The following ENPP1 variants were observed in gnomAD, a reference collection of about 807,000 sequenced individuals.
The protein encoded by ENPP1 is ectonucleotide pyrophosphatase/phosphodiesterase family member 1.
A neutral mutation model predicts 122.8 loss-of-function variants in ENPP1; 73 were observed. The ratio of observed to expected loss-of-function variants is 0.59; its 90% CI spans 0.49 to 0.72. The LOEUF is 0.72. Ranked by LOEUF, ENPP1 falls within the 30% of genes least tolerant of loss-of-function variation. ENPP1 has a pLI of 0.00. For synonymous variants in ENPP1, 367 were observed against 391.6 expected (o/e 0.94, Z 0.74); for missense variants, 978 against 1,128.1 (o/e 0.87, Z 1.91).
At position 131,822,706 on chromosome 6, in the gene ENPP1, G is replaced by A. The variant is rs147984530; in HGVS notation, c.240+14431G>A. 3.7e-3 allele frequency among the ~76,000 whole-genome samples: 565 copies of A among 152,126 alleles called. 1 individual carries two copies. Among genetic ancestry groups the A allele is most frequent in the Non-Finnish European group, 6.9e-3 (466 of 68,002 alleles). On this transcript the variant is annotated intron_variant, in intron 1 of 24. Coordinates refer to ENST00000647893, the MANE Select transcript of ENPP1 (RefSeq NM_006208.3). ...TTTCTAATGTACTTTTCATAAGTAG[G>A]ATTTTGAGACTTTTATTTTAGTATC...
At chr6:131,874,977 C>T (rs1206412888) in intron 16 of ENPP1, among the ~76,000 whole-genome samples, 2 of 152,114 alleles carry the variant, frequency 1.3e-5, no homozygotes, top group African/African-American at 2.4e-5. Context: ...CTAAAAATCA[C>T]ATGTTCACTT....
chr6:131,825,951 T>C, intron 1 of ENPP1: 1 of 502,886 alleles, frequency 2.0e-6, no homozygotes, highest in South Asian at 3.2e-5. Context: ...CTTTCAAAAA[T>C]GATTTTGAAA....
intron 23 of ENPP1, among the ~76,000 whole-genome samples, chr6:131,885,509 A>C (rs1030805747): frequency 4.6e-5 from 7 of 152,196 alleles, no homozygotes; most frequent in Non-Finnish European, 1.0e-4. Context: ...GCTTTTACCC[A>C]ACTGTGGCTG....
intron 1 of ENPP1, among the ~76,000 whole-genome samples, chr6:131,835,347 T>C (rs1050769815): frequency 6.6e-6 from 1 of 152,196 alleles, no homozygotes. Flanking sequence ...TTTGAGTCTG[T>C]TCTTCAAATG....
intron 9 of ENPP1, among the ~76,000 whole-genome samples, chr6:131,863,685 C>T (rs1046679063): frequency 2.7e-5 from 4 of 150,580 alleles, no homozygotes; most frequent in Non-Finnish European, 5.9e-5. Context: ...AAGGCTGAGG[C>T]AGGCGGATCA....
At chr6:131,842,424 C>T (rs1019608053) in intron 1 of ENPP1, among the ~76,000 whole-genome samples, 2 of 152,102 alleles carry the variant, frequency 1.3e-5, no homozygotes, top group African/African-American at 4.8e-5. Flanking sequence ...GGCATCATTC[C>T]AGAGTTGTTG....
At chr6:131,827,429 G>A in intron 1 of ENPP1, 1 of 696,340 alleles carries the variant, frequency 1.4e-6, no homozygotes. Flanking sequence ...ACAGCCTGTA[G>A]GAGGAGGTCA....
At chr6:131,826,404 C>A (rs1781546651) in intron 1 of ENPP1, 2 of 929,758 alleles carry the variant, frequency 2.2e-6, no homozygotes, top group Non-Finnish European at 3.5e-6. Context: ...TAATAGGACC[C>A]CAAAAGAGCT....
intron 1 of ENPP1, among the ~76,000 whole-genome samples, chr6:131,846,864 G>A (rs940667547): frequency 2.6e-5 from 4 of 152,172 alleles, no homozygotes; most frequent in African/African-American, 7.2e-5. Context: ...ACTCACAGAA[G>A]TTCTGTCATG....
intron 18 of ENPP1, chr6:131,877,866 AATATATATAT>A (rs35142604): frequency 3.8e-4 from 20 of 53,020 alleles, no homozygotes; most frequent in South Asian, 1.8e-3. Flanking sequence ...AAAAAAAAAA[AATATATATAT>A]ATATATATAT....
intron 1 of ENPP1, among the ~76,000 whole-genome samples, chr6:131,810,501 CA>C (rs1781336982): frequency 6.9e-6 from 1 of 144,382 alleles, no homozygotes; most frequent in Admixed American, 7.4e-5. Flanking sequence ...GAAAAGGCCC[CA>C]AAAGCATCCT....
intron 1 of ENPP1, among the ~76,000 whole-genome samples, chr6:131,846,136 T>C (rs79341559): frequency 7.2e-5 from 11 of 152,308 alleles, no homozygotes; most frequent in Non-Finnish European, 1.0e-4. Context: ...TTACTGAATG[T>C]CCAGTACATA....
At chr6:131,841,259 C>T (rs1322098019) in intron 1 of ENPP1, among the ~76,000 whole-genome samples, 2 of 152,138 alleles carry the variant, frequency 1.3e-5, no homozygotes, top group African/African-American at 4.8e-5. Context: ...TCAATAGGAT[C>T]GAATCCCCAT....
chr6:131,878,933 A>G (rs1015741774), intron 19 of ENPP1, among the ~76,000 whole-genome samples: 2 of 152,240 alleles, frequency 1.3e-5, no homozygotes, highest in African/African-American at 4.8e-5. Context: ...CTAAGTTTCT[A>G]TCTCACCTGG....
intron 10 of ENPP1, 137 bp downstream of exon 10, chr6:131,864,708 AC>A: frequency 2.5e-6 from 2 of 812,194 alleles, no homozygotes; most frequent in Non-Finnish European, 4.1e-6. Flanking sequence ...AAATGATCAT[AC>A]CACATTTTGA....
chr6:131,821,213 T>G (rs1471115764), intron 1 of ENPP1, among the ~76,000 whole-genome samples: 1 of 152,206 alleles, frequency 6.6e-6, no homozygotes, highest in Non-Finnish European at 1.5e-5. Flanking sequence ...CAGAGGTTTG[T>G]CTGAACAATT....
chr6:131,836,690 A>G (rs1781679153), intron 1 of ENPP1, among the ~76,000 whole-genome samples: 1 of 152,164 alleles, frequency 6.6e-6, no homozygotes, highest in Non-Finnish European at 1.5e-5. Flanking sequence ...ATTAATCATT[A>G]TTGTAAAAAA....
At chr6:131,865,698 GA>G (rs1161668365) in intron 11 of ENPP1, among the ~76,000 whole-genome samples, 2 of 152,158 alleles carry the variant, frequency 1.3e-5, no homozygotes, top group African/African-American at 4.8e-5. Flanking sequence ...CATTAGAACA[GA>G]AAAGGATCTG....
intron 24 of ENPP1, among the ~76,000 whole-genome samples, chr6:131,888,120 C>T (rs1782412688): frequency 6.6e-6 from 1 of 152,102 alleles, no homozygotes. Flanking sequence ...CCTTAGCCTC[C>T]CAAAGTGCGG....
Sources: allele counts gnomAD v4.1 joint callset (sites outside exome capture counted in the v4.1 genomes callset), GRCh38; gene constraint gnomAD v4.1.1; transcripts MANE v1.5; gene names NCBI Gene and HGNC (gene_info 2026-07-23, HGNC 2026-07-21).